FSTL4: variants seen among roughly 807,000 people sequenced by gnomAD.
FSTL4 encodes the protein follistatin like 4.
Under a neutral mutation model 78.2 loss-of-function variants are expected in FSTL4, and 28 were observed. The observed-to-expected ratio is 0.36, with a 90% CI of 0.27 to 0.49. FSTL4 has a LOEUF of 0.49. Among genes scored for constraint, FSTL4 ranks in the 20% least tolerant of loss-of-function variants. The pLI is 0.98. For missense variants in FSTL4, 922 were observed against 1,084.9 expected (o/e 0.85, Z 2.11); for synonymous variants, 422 against 440.5 (o/e 0.96, Z 0.53).
chr5:133,551,405 A>G (rs968476974), intron 3 of FSTL4, among the ~76,000 whole-genome samples: 1 of 152,364 alleles, frequency 6.6e-6, no homozygotes. Context: ...TATCAAAACA[A>G]TACTGCGACT....
intron 13 of FSTL4, among the ~76,000 whole-genome samples, chr5:133,214,156 C>G (rs953625060): frequency 2.0e-5 from 3 of 152,142 alleles, no homozygotes; most frequent in African/African-American, 7.2e-5. Flanking sequence ...TAGATCTGAA[C>G]AATACAATGA....
At chr5:133,204,219 CAG>C (rs1002689724) in intron 14 of FSTL4, among the ~76,000 whole-genome samples, 1 of 152,144 alleles carries the variant, frequency 6.6e-6, no homozygotes, top group Admixed American at 6.5e-5. Context: ...GGGGGTGGGC[CAG>C]AGAGTGCTGG....
chr5:133,543,117 C>G (rs578011766), intron 3 of FSTL4, among the ~76,000 whole-genome samples: 165 of 152,266 alleles, frequency 1.1e-3, no homozygotes, highest in Non-Finnish European at 2.0e-3. Flanking sequence ...GTGGTGCCAT[C>G]AGAGCTCACT....
intron 3 of FSTL4, among the ~76,000 whole-genome samples, chr5:133,444,005 C>G (rs144106159): frequency 6.6e-6 from 1 of 152,174 alleles, no homozygotes; most frequent in Non-Finnish European, 1.5e-5. Context: ...CTCCTACACA[C>G]CCCCTTCTTT....
At chr5:133,495,682 G>A (rs1295252979) in intron 3 of FSTL4, among the ~76,000 whole-genome samples, 2 of 152,100 alleles carry the variant, frequency 1.3e-5, no homozygotes, top group African/African-American at 2.4e-5. Flanking sequence ...GGGGCCTAAC[G>A]AGAAATTAGA....
In FSTL4 at chr5:133,431,366, C is replaced by T. The variant is rs149675321; in HGVS notation, c.161-30380G>A. 2.6e-5 allele frequency among the ~76,000 whole-genome samples: 4 copies of T among 152,296 alleles called. No individual in the cohort carries two copies. In the East Asian group the frequency reaches 7.7e-4, roughly 29 times the overall value. ...TGCTTGAACAATAGAATGGAACAGC[C>T]AAGACTTGACTTCTGAAGCTAAGAA... On this transcript the variant is annotated intron_variant, in intron 3 of 15. Coordinates refer to ENST00000265342, the MANE Select transcript of FSTL4 (RefSeq NM_015082.2).
chr5:133,410,931 C>T (rs764161891), intron 3 of FSTL4, among the ~76,000 whole-genome samples: 10 of 152,122 alleles, frequency 6.6e-5, no homozygotes, highest in Admixed American at 2.0e-4. Context: ...AACTTCAATC[C>T]CCTGGCTCAA....
chr5:133,621,535 T>C, the FSTL4 span, among the ~76,000 whole-genome samples: 1 of 152,180 alleles, frequency 6.6e-6, no homozygotes, highest in Non-Finnish European at 1.5e-5. Context: ...CTCACTGATA[T>C]GTGGGAGCTA....
At chr5:133,207,255 TCGTTA>T (rs1321134135) in intron 14 of FSTL4, among the ~76,000 whole-genome samples, 1 of 152,258 alleles carries the variant, frequency 6.6e-6, no homozygotes, top group Non-Finnish European at 1.5e-5. Context: ...TTTTACGTAT[TCGTTA>T]CGTTGTTTGT....
intron 3 of FSTL4, among the ~76,000 whole-genome samples, chr5:133,444,079 C>T (rs1757213322): frequency 6.6e-6 from 1 of 152,194 alleles, no homozygotes; most frequent in Non-Finnish European, 1.5e-5. Context: ...AGGGTAGGAG[C>T]CACGTCTGGA....
intron 3 of FSTL4, among the ~76,000 whole-genome samples, chr5:133,487,372 C>T (rs909778304): frequency 6.6e-6 from 1 of 152,182 alleles, no homozygotes; most frequent in Non-Finnish European, 1.5e-5. Flanking sequence ...TCTGAGCTGT[C>T]ACCATCTTTC....
intron 4 of FSTL4, among the ~76,000 whole-genome samples, chr5:133,355,254 T>C (rs191297397): frequency 6.6e-6 from 1 of 152,340 alleles, no homozygotes; most frequent in African/African-American, 2.4e-5. Context: ...TTCCCAAGTT[T>C]TGAAAACAAA....
At chr5:133,377,507 T>G (rs1444232154) in intron 4 of FSTL4, among the ~76,000 whole-genome samples, 1 of 151,474 alleles carries the variant, frequency 6.6e-6, no homozygotes, top group African/African-American at 2.4e-5. Context: ...AGCCTAAAAG[T>G]ACTCTTAAAA....
chr5:133,449,996 T>G (rs987914817), intron 3 of FSTL4, among the ~76,000 whole-genome samples: 1 of 152,172 alleles, frequency 6.6e-6, no homozygotes, highest in Non-Finnish European at 1.5e-5. Context: ...CTTTCTGGGT[T>G]TAGGTCAAGT....
the FSTL4 span, among the ~76,000 whole-genome samples, chr5:133,638,349 C>CG: frequency 6.6e-6 from 1 of 152,140 alleles, no homozygotes; most frequent in South Asian, 2.1e-4. Context: ...TCACAGCACC[C>CG]ATGTCTTGAC....
rs145590456 is a variant in FSTL4 at position 133,325,182 on chromosome 5, G to C, written c.410-8530C>G. 7.4e-3 allele frequency among the ~76,000 whole-genome samples: 1,133 copies of C among 152,334 alleles called. 10 individuals are homozygous for C. Among genetic ancestry groups the C allele is most frequent in the African/African-American group, 0.026 (1,080 of 41,576 alleles). ...AGCTGAGCGCCCTGTGCTTGAAACA[G>C]CCACCCAGGTAAGGAGGCCTGTGGA... On this transcript the variant is annotated intron_variant, in intron 4 of 15. Coordinates refer to ENST00000265342, the MANE Select transcript of FSTL4 (RefSeq NM_015082.2).
the FSTL4 span, among the ~76,000 whole-genome samples, chr5:133,815,148 A>G: frequency 1.3e-5 from 2 of 152,210 alleles, no homozygotes; most frequent in East Asian, 3.8e-4. Context: ...CTGATCCTCT[A>G]ATGAAGAAGA....
At chr5:133,200,232 TA>T in intron 15 of FSTL4, among the ~76,000 whole-genome samples, 1 of 152,276 alleles carries the variant, frequency 6.6e-6, no homozygotes, top group Non-Finnish European at 1.5e-5. Context: ...AAAAGAGTTC[TA>T]TATCCTTGCT....
intron 3 of FSTL4, among the ~76,000 whole-genome samples, chr5:133,534,044 A>G (rs996852448): frequency 2.0e-5 from 3 of 152,186 alleles, no homozygotes; most frequent in Admixed American, 2.0e-4. Flanking sequence ...TAACAGAATT[A>G]TCTGAGACTA....
Sources: gnomAD v4.1 joint callset for allele counts (sites outside exome capture counted in the v4.1 genomes callset) on GRCh38, gnomAD v4.1.1 for gene constraint, MANE v1.5 for transcripts, NCBI Gene and HGNC (gene_info 2026-07-23, HGNC 2026-07-21) for gene names.